The following EPB41L4A variants were observed in gnomAD, a reference collection of about 807,000 sequenced individuals.
EPB41L4A encodes the protein band 4.1-like protein 4A.
EPB41L4A carries 100 observed loss-of-function variants against 108.6 expected under a neutral mutation model. The ratio of observed to expected loss-of-function variants is 0.92; its 90% CI spans 0.78 to 1.09. The LOEUF (loss-of-function observed/expected upper bound fraction) is 1.09. Ranked by LOEUF, EPB41L4A falls within the 50% of genes least tolerant of loss-of-function variation. The pLI is 0.00. For missense variants in EPB41L4A, 1,030 were observed against 842.7 expected (o/e 1.22, Z -2.75); for synonymous variants, 319 against 289.0 (o/e 1.10, Z -1.05).
intron 13 of EPB41L4A, among the ~76,000 whole-genome samples, chr5:112,145,639 C>T (rs1382888834): frequency 6.6e-6 from 1 of 152,158 alleles, no homozygotes; most frequent in African/African-American, 2.4e-5. Context: ...TAAAACAATT[C>T]TTGCTATACT....
intron 1 of EPB41L4A, among the ~76,000 whole-genome samples, chr5:112,404,018 T>C (rs1377185418): frequency 6.6e-6 from 1 of 152,356 alleles, no homozygotes; most frequent in South Asian, 2.1e-4. Flanking sequence ...CTCTGTTCCA[T>C]GCAATAAATC....
chr5:112,332,767 G>C (rs1756648686), intron 1 of EPB41L4A, among the ~76,000 whole-genome samples: 1 of 152,198 alleles, frequency 6.6e-6, no homozygotes, highest in Non-Finnish European at 1.5e-5. Flanking sequence ...TATGGTGGAA[G>C]TTTGGCTTTT....
At chr5:112,243,493 C>T (rs1264293002) in intron 9 of EPB41L4A, among the ~76,000 whole-genome samples, 2 of 152,070 alleles carry the variant, frequency 1.3e-5, no homozygotes, top group East Asian at 3.9e-4. Flanking sequence ...ACCCTGTCCT[C>T]GGAAGCTTTA....
intron 1 of EPB41L4A, among the ~76,000 whole-genome samples, chr5:112,343,972 C>A (rs915330386): frequency 1.3e-5 from 2 of 152,164 alleles, no homozygotes; most frequent in Non-Finnish European, 2.9e-5. Context: ...AAGAAGATTG[C>A]TTGAGCCCAG....
chr5:112,201,963 T>A (rs543184208), intron 15 of EPB41L4A, among the ~76,000 whole-genome samples: 3 of 152,166 alleles, frequency 2.0e-5, no homozygotes, highest in Non-Finnish European at 2.9e-5. Context: ...ATATTTTTCA[T>A]TGGTACTCAG....
intron 12 of EPB41L4A, among the ~76,000 whole-genome samples, chr5:112,213,012 T>C (rs1483305122): frequency 6.6e-6 from 1 of 152,248 alleles, no homozygotes; most frequent in Non-Finnish European, 1.5e-5. Context: ...AAACTATGTT[T>C]ATATATTTGC....
intron 1 of EPB41L4A, among the ~76,000 whole-genome samples, chr5:112,412,843 C>G (rs1272351689): frequency 1.3e-5 from 2 of 152,164 alleles, no homozygotes; most frequent in Non-Finnish European, 2.9e-5. Flanking sequence ...TACAACAGGC[C>G]TGCAGACAAA....
chr5:112,157,948 A>G (rs1759707653), downstream of EPB41L4A, among the ~76,000 whole-genome samples: 1 of 152,212 alleles, frequency 6.6e-6, no homozygotes, highest in Non-Finnish European at 1.5e-5. Flanking sequence ...GGTAGAAAAT[A>G]TCCACTATCT....
rs550091300 is a variant in EPB41L4A, at chr5:112,303,741, G to A, written c.204+3645C>T. ...CAGGGCCAGTTTCAGTGATGTGATC[G>A]GGAAAAAAGCTGCATGGTGATATGT... On this transcript the variant is annotated intron_variant, in intron 2 of 22. Coordinates refer to ENST00000261486, the MANE Select transcript of EPB41L4A (RefSeq NM_022140.5). Among the ~76,000 whole-genome samples, 11 of 152,096 alleles carry A rather than the reference G, an allele frequency of 7.2e-5. 1 individual carries two copies. In the South Asian group the frequency reaches 8.3e-4, roughly 11 times the overall value.
chr5:112,345,455 T>C (rs1435432369), intron 1 of EPB41L4A, among the ~76,000 whole-genome samples: 1 of 152,124 alleles, frequency 6.6e-6, no homozygotes, highest in Non-Finnish European at 1.5e-5. Flanking sequence ...TGCAGTATTC[T>C]GTAAGATCTC....
intron 12 of EPB41L4A, among the ~76,000 whole-genome samples, chr5:112,223,527 C>G (rs1364740389): frequency 6.6e-6 from 1 of 152,104 alleles, no homozygotes; most frequent in Non-Finnish European, 1.5e-5. Flanking sequence ...AACAGAATCC[C>G]AAACCGCTGA....
intron 1 of EPB41L4A, among the ~76,000 whole-genome samples, chr5:112,362,388 C>A (rs1195148475): frequency 6.6e-6 from 1 of 150,954 alleles, no homozygotes. Flanking sequence ...TCGAGCGATT[C>A]TCCTGCCTCA....
At position 112,164,852 on chromosome 5, in the gene EPB41L4A, G is replaced by GAA; in HGVS notation, c.*137_*138insTT. On this transcript the variant is annotated 3_prime_UTR_variant, in exon 23 of 23. Transcript: ENST00000261486. ...ATCTCAAAAAAAAAAAAAAAAAGAA[G>GAA]CAAAAGATAATGTATTTTCTCATGC... The GAA allele has an allele frequency of 1.1e-6, 1 of 872,652 alleles. No homozygotes were observed. The highest frequency in any genetic ancestry group is 3.1e-5 in the East Asian group (1 of 31,978). The allele number at this position is 872,652 out of a possible 1,614,324, so 54.1% of individuals were successfully genotyped here.
chr5:112,235,740 C>T (rs1024376421), intron 11 of EPB41L4A, among the ~76,000 whole-genome samples: 2 of 152,116 alleles, frequency 1.3e-5, no homozygotes, highest in Non-Finnish European at 2.9e-5. Context: ...AAGATGCCTA[C>T]AAAACTTATA....
At chr5:112,272,640 G>A (rs1424506217) in intron 4 of EPB41L4A, among the ~76,000 whole-genome samples, 3 of 151,624 alleles carry the variant, frequency 2.0e-5, no homozygotes, top group Non-Finnish European at 4.4e-5. Context: ...TATTAGCTGG[G>A]CATGGTGGTG....
At chr5:112,287,028 C>T (rs2150524136) in intron 2 of EPB41L4A, among the ~76,000 whole-genome samples, 2 of 152,258 alleles carry the variant, frequency 1.3e-5, no homozygotes, top group South Asian at 4.2e-4. Context: ...TCTCACTGGC[C>T]ACGTCTTCAA....
Position 112,204,500 on chromosome 5 carries a change from G to C in EPB41L4A, c.1263-12C>G. The C allele has an allele frequency of 6.3e-7, 1 of 1,576,928 alleles. No homozygotes were observed. The highest frequency in any genetic ancestry group is 1.7e-5 in the Admixed American group (1 of 59,932). Reference sequence around the variant, plus strand: ...AATTGTAGAGTCCACTGGAGAGAAAGAAAAATGGTCAAAAAGAGCCCAGAG... The same window carrying C: ...AATTGTAGAGTCCACTGGAGAGAAACAAAAATGGTCAAAAAGAGCCCAGAG... On this transcript the variant is annotated splice_polypyrimidine_tract_variant and intron_variant, in intron 14 of 22. Transcript: ENST00000261486.
intron 9 of EPB41L4A, among the ~76,000 whole-genome samples, chr5:112,254,217 C>A (rs1750905116): frequency 6.6e-6 from 1 of 152,184 alleles, no homozygotes; most frequent in Non-Finnish European, 1.5e-5. Flanking sequence ...GAATTACATC[C>A]TCCTCTTGTT....
intron 13 of EPB41L4A, among the ~76,000 whole-genome samples, chr5:112,145,262 C>G (rs1428017114): frequency 6.6e-6 from 1 of 152,106 alleles, no homozygotes; most frequent in African/African-American, 2.4e-5. Flanking sequence ...TGCACTCCAG[C>G]CTGGGCAACA....
Sources: gnomAD v4.1 joint callset for allele counts (sites outside exome capture counted in the v4.1 genomes callset) on GRCh38, gnomAD v4.1.1 for gene constraint, MANE v1.5 for transcripts, NCBI Gene and HGNC (gene_info 2026-07-23, HGNC 2026-07-21) for gene names.